MYOCD: variants seen among roughly 807,000 people sequenced by gnomAD.
MYOCD encodes the protein myocardin.
A neutral mutation model predicts 96.1 loss-of-function variants in MYOCD; 32 were observed. The observed-to-expected ratio is 0.33, with a 90% CI of 0.25 to 0.45. The LOEUF (loss-of-function observed/expected upper bound fraction) is 0.45. Among genes scored for constraint, MYOCD ranks in the 20% least tolerant of loss-of-function variants. The pLI is 1.00. For missense variants in MYOCD, 1,133 were observed against 1,200.6 expected (o/e 0.94, Z 0.83); for synonymous variants, 469 against 469.0 (o/e 1.00, Z 0.00).
Position 12,744,405 on chromosome 17 carries a change from A to C in MYOCD, c.940A>C (p.Ser314Arg). The change falls in exon 8 of 14, where the codon AGC becomes CGC. Residue 314 changes from serine to arginine, a missense_variant. Transcript: ENST00000425538. ...QQQQQQQHRF[S>R]YLGMHQAQLK... ...GCAGCAGCAGCAGCAACACCGATTC[A>C]GCTACCTAGGGATGCACCAAGCTCA... The C allele has an allele frequency of 6.2e-7, 1 of 1,613,436 alleles. No homozygotes were observed. The highest frequency in any genetic ancestry group is 8.5e-7 in the Non-Finnish European group (1 of 1,179,648).
chr17:12,673,046 A>G (rs1466166475), intron 1 of MYOCD, among the ~76,000 whole-genome samples: 1 of 152,112 alleles, frequency 6.6e-6, no homozygotes. Flanking sequence ...CAATATCCTC[A>G]TTTCACAGAT....
intron 1 of MYOCD, among the ~76,000 whole-genome samples, chr17:12,688,598 C>T (rs1216004205): frequency 2.0e-5 from 3 of 148,026 alleles, no homozygotes; most frequent in African/African-American, 5.0e-5. Context: ...CCTTCCATCT[C>T]CTTCCTTCCT....
At chr17:12,725,618 T>C (rs997260589) in intron 5 of MYOCD, among the ~76,000 whole-genome samples, 5 of 149,742 alleles carry the variant, frequency 3.3e-5, no homozygotes, top group African/African-American at 4.9e-5. Flanking sequence ...AGTGGAATAC[T>C]ATTGTTATTG....
At chr17:12,679,531 GA>G (rs1323224020) in intron 1 of MYOCD, among the ~76,000 whole-genome samples, 2 of 152,116 alleles carry the variant, frequency 1.3e-5, no homozygotes, top group Admixed American at 1.3e-4. Context: ...AACATTTAAA[GA>G]ATGGTTAATA....
At chr17:12,736,400 C>A in intron 6 of MYOCD, 64 bp downstream of exon 6, 1 of 1,528,564 alleles carries the variant, frequency 6.5e-7, no homozygotes, top group South Asian at 1.2e-5. Flanking sequence ...TCGTTTCAGT[C>A]TTAACATCAA....
intron 2 of MYOCD, among the ~76,000 whole-genome samples, chr17:12,711,713 C>G (rs191918909): frequency 3.3e-5 from 5 of 152,098 alleles, no homozygotes; most frequent in Admixed American, 2.6e-4. Flanking sequence ...AAAATCAGTC[C>G]TGATGATTCA....
intron 13 of MYOCD, 38 bp from the exon 14 acceptor site, chr17:12,763,035 G>T (rs1226636844): frequency 2.6e-6 from 4 of 1,532,430 alleles, no homozygotes; most frequent in Non-Finnish European, 3.5e-6. Flanking sequence ...TGCTCAATTT[G>T]AAGTGATTTA....
At chr17:12,700,896 T>TTGTATGTGTG (rs1165016035) in intron 1 of MYOCD, among the ~76,000 whole-genome samples, 2 of 152,236 alleles carry the variant, frequency 1.3e-5, no homozygotes, top group Middle Eastern at 3.4e-3. Context: ...CTGAATATTT[T>TTGTATGTGTG]TGTATGTGTG....
intron 10 of MYOCD, among the ~76,000 whole-genome samples, 187 bp downstream of exon 10, chr17:12,753,533 AG>A (rs1346580064): frequency 6.6e-6 from 1 of 152,216 alleles, no homozygotes; most frequent in Non-Finnish European, 1.5e-5. Context: ...CCTCTAAGGC[AG>A]GGGTTGGCAA....
intron 4 of MYOCD, among the ~76,000 whole-genome samples, chr17:12,719,789 C>A (rs2150687561): frequency 6.7e-6 from 1 of 150,368 alleles, no homozygotes; most frequent in Admixed American, 6.6e-5. Flanking sequence ...ATCGCTTGAA[C>A]CCGGGAGGCG....
At chr17:12,671,247 A>G (rs1273942422) in intron 1 of MYOCD, among the ~76,000 whole-genome samples, 1 of 152,230 alleles carries the variant, frequency 6.6e-6, no homozygotes, top group Non-Finnish European at 1.5e-5. Flanking sequence ...CATTAAATAT[A>G]TGTTGAATAA....
At chr17:12,685,233 A>C (rs2030043475) in intron 1 of MYOCD, among the ~76,000 whole-genome samples, 1 of 152,048 alleles carries the variant, frequency 6.6e-6, no homozygotes, top group Non-Finnish European at 1.5e-5. Flanking sequence ...GAGGAGAGAG[A>C]GGTTGGCAGT....
intron 2 of MYOCD, among the ~76,000 whole-genome samples, chr17:12,708,357 T>G (rs987499393): frequency 6.6e-6 from 1 of 152,200 alleles, no homozygotes; most frequent in Non-Finnish European, 1.5e-5. Flanking sequence ...TCAAAGTTGA[T>G]GGCCAAGTGA....
intron 8 of MYOCD, among the ~76,000 whole-genome samples, chr17:12,745,090 C>A (rs1438316827): frequency 6.6e-6 from 1 of 152,206 alleles, no homozygotes; most frequent in African/African-American, 2.4e-5. Context: ...TGCCCTTCTG[C>A]TTTTAGAAGG....
chr17:12,732,348 C>T (rs1446761789), intron 5 of MYOCD, among the ~76,000 whole-genome samples: 2 of 152,164 alleles, frequency 1.3e-5, no homozygotes, highest in Non-Finnish European at 2.9e-5. Context: ...CACGCCCCAT[C>T]CTTTCATTGT....
At chr17:12,746,220 C>T in intron 9 of MYOCD, 148 bp downstream of exon 9, 1 of 867,030 alleles carries the variant, frequency 1.2e-6, no homozygotes, top group Non-Finnish European at 1.7e-6. Flanking sequence ...CAGAATTTAT[C>T]CTGCTGTGGT....
chr17:12,705,299 G>A lies in MYOCD; in HGVS notation c.121+106G>A, dbSNP rs116967793. On this transcript the variant is annotated intron_variant, in intron 2 of 13. Transcript: ENST00000425538. ...AGTTTAAGCCAATGCATTGGTCTCC[G>A]AAGATCTTCAAAGCATTGGTATCAG... is the stretch of plus-strand genomic sequence containing the variant. 8.9e-4 allele frequency: 642 copies of A among 720,746 alleles called. 3 individuals are homozygous for A. Among genetic ancestry groups the A allele is most frequent in the Non-Finnish European group, 1.2e-3 (528 of 423,404 alleles). 44.6% of individuals were successfully genotyped at this position (720,746 alleles called of 1,614,324 possible).
chr17:12,684,924 C>T (rs1325574345), intron 1 of MYOCD, among the ~76,000 whole-genome samples: 1 of 151,748 alleles, frequency 6.6e-6, no homozygotes, highest in Non-Finnish European at 1.5e-5. Flanking sequence ...AAAAATAGGG[C>T]TCTTTCACAG....
chr17:12,699,650 C>T (rs1178575570), intron 1 of MYOCD, among the ~76,000 whole-genome samples: 2 of 152,118 alleles, frequency 1.3e-5, no homozygotes, highest in African/African-American at 4.8e-5. Flanking sequence ...TCTCTGTCAA[C>T]TTTATTATAA....
Sources: allele counts gnomAD v4.1 joint callset (sites outside exome capture counted in the v4.1 genomes callset), GRCh38; gene constraint gnomAD v4.1.1; transcripts MANE v1.5; gene names NCBI Gene and HGNC (gene_info 2026-07-23, HGNC 2026-07-21).